Variants in ETNK1 observed in about 807,000 individuals in gnomAD.
ETNK1 encodes the protein ethanolamine kinase 1, also known as putative protein product of Nbla10396.
A neutral mutation model predicts 45.1 loss-of-function variants in ETNK1; 8 were observed. That is an observed-to-expected ratio of 0.18 (90% CI 0.10 to 0.32). ETNK1 has a LOEUF of 0.32. Among genes scored for constraint, ETNK1 ranks in the 10% least tolerant of loss-of-function variants. The probability of loss-of-function intolerance (pLI) is 1.00; values close to 1 mark genes in which losing one functional copy is unlikely to be tolerated. For synonymous variants in ETNK1, 152 were observed against 151.9 expected (o/e 1.00, Z -0.01); for missense variants, 302 against 430.6 (o/e 0.70, Z 2.64).
chr12:22,679,805 G>A (rs984800131), intron 6 of ETNK1, among the ~76,000 whole-genome samples: 1 of 150,814 alleles, frequency 6.6e-6, no homozygotes, highest in Non-Finnish European at 1.5e-5. Context: ...GATTCAAGCA[G>A]TTCTCTGGCC....
intron 2 of ETNK1, among the ~76,000 whole-genome samples, chr12:22,646,397 C>A (rs1454843771): frequency 6.6e-6 from 1 of 151,260 alleles, no homozygotes; most frequent in Non-Finnish European, 1.5e-5. Flanking sequence ...GGTCTGGAGC[C>A]CCAAGAAGAG....
intron 2 of ETNK1, among the ~76,000 whole-genome samples, chr12:22,645,775 A>G (rs1304260778): frequency 6.6e-6 from 1 of 151,672 alleles, no homozygotes; most frequent in Non-Finnish European, 1.5e-5. Context: ...TGTTAACTAT[A>G]ATTTCCTTGC....
chr12:22,663,251 G>T (rs1954024837), intron 4 of ETNK1, among the ~76,000 whole-genome samples: 1 of 152,148 alleles, frequency 6.6e-6, no homozygotes, highest in Admixed American at 6.5e-5. Context: ...CAGTGTATGA[G>T]CTTGTAAATT....
intron 6 of ETNK1, among the ~76,000 whole-genome samples, chr12:22,681,923 A>G (rs1954218853): frequency 6.6e-6 from 1 of 152,102 alleles, no homozygotes; most frequent in Non-Finnish European, 1.5e-5. Flanking sequence ...TTCTTTTTTG[A>G]TACTAGACCA....
chr12:22,670,393 C>G (rs963209386), intron 4 of ETNK1, among the ~76,000 whole-genome samples: 3 of 150,350 alleles, frequency 2.0e-5, no homozygotes, highest in African/African-American at 7.3e-5. Flanking sequence ...TAAGGTTTCT[C>G]TCTCTCTTTT....
At chr12:22,627,901 C>CAAGCTA (rs1373111667) in intron 1 of ETNK1, among the ~76,000 whole-genome samples, 2 of 151,816 alleles carry the variant, frequency 1.3e-5, no homozygotes, top group African/African-American at 4.8e-5. Context: ...AAGAAAAAAA[C>CAAGCTA]AAGCTAAAAA....
rs539365743 is a variant in ETNK1, at chr12:22,652,741, T to G, written c.417-6273T>G. On this transcript the variant is annotated intron_variant, in intron 2 of 7. Transcript: ENST00000266517. The stretch of plus-strand genomic sequence containing the variant: ...TTTGTTATATGTTCTGAATATTAAC[T>G]CCTTGTTAAATATATGATTTCCAAA... Among the ~76,000 whole-genome samples the G allele has an allele frequency of 3.9e-4, 60 of 152,336 alleles. No individual in the cohort carries two copies. The South Asian group carries it at 4.3e-3, about 11-fold the overall frequency.
chr12:22,625,674 C>G (rs1565859266), intron 1 of ETNK1, 88 bp downstream of exon 1: 1 of 1,501,778 alleles, frequency 6.7e-7, no homozygotes, highest in South Asian at 1.2e-5. Flanking sequence ...CCCACGATGA[C>G]CGAGGAGGAC....
chr12:22,658,161 G>C (rs1376007711), intron 2 of ETNK1, among the ~76,000 whole-genome samples: 4 of 152,064 alleles, frequency 2.6e-5, no homozygotes, highest in Non-Finnish European at 2.9e-5. Flanking sequence ...GTAGAGTCAA[G>C]GTTCAAAAAG....
At chr12:22,646,527 G>A (rs1040401190) in intron 2 of ETNK1, among the ~76,000 whole-genome samples, 1 of 151,636 alleles carries the variant, frequency 6.6e-6, no homozygotes, top group South Asian at 2.1e-4. Flanking sequence ...GACAATTTGG[G>A]GTTAGTTGTC....
At chr12:22,650,411 G>T (rs1953860362) in intron 2 of ETNK1, among the ~76,000 whole-genome samples, 1 of 151,374 alleles carries the variant, frequency 6.6e-6, no homozygotes, top group African/African-American at 2.4e-5. Flanking sequence ...GTTAGCTGTA[G>T]TTTTTTTTGT....
intron 4 of ETNK1, among the ~76,000 whole-genome samples, chr12:22,666,560 C>T (rs1394733548): frequency 6.6e-6 from 1 of 152,146 alleles, no homozygotes; most frequent in Non-Finnish European, 1.5e-5. Flanking sequence ...TTATTGGTCT[C>T]ATGACTTTTG....
intron 5 of ETNK1, 71 bp downstream of exon 5, chr12:22,671,426 T>C (rs1954105731): frequency 9.7e-7 from 1 of 1,028,538 alleles, no homozygotes; most frequent in Admixed American, 1.8e-5. Flanking sequence ...TTTTTTAAAG[T>C]AGATAAACCG....
chr12:22,676,708 G>T (rs1954166082), intron 6 of ETNK1, among the ~76,000 whole-genome samples: 1 of 151,928 alleles, frequency 6.6e-6, no homozygotes, highest in Non-Finnish European at 1.5e-5. Flanking sequence ...ATTCTAACTG[G>T]CGTGAAATGG....
Position 22,625,430 on chromosome 12 carries a change from C to T in ETNK1, c.-1C>T, listed in dbSNP as rs1244765861. Reference sequence around the variant, plus strand: ...TGGTAGTCTCCGCCGTCGCCTGGGCCATGGCCAATTACATCCACGTCCCTC... The same window carrying T: ...TGGTAGTCTCCGCCGTCGCCTGGGCTATGGCCAATTACATCCACGTCCCTC... On this transcript the variant is annotated 5_prime_UTR_variant, in exon 1 of 8. Coordinates refer to ENST00000266517, the MANE Select transcript of ETNK1 (RefSeq NM_018638.5). 2 of 1,583,170 alleles carry T rather than the reference C, an allele frequency of 1.3e-6. No homozygotes were observed. Among genetic ancestry groups the T allele is most frequent in the African/African-American group, 1.3e-5 (1 of 74,594 alleles).
Position 22,626,424 on chromosome 12 carries a change from A to G in ETNK1, c.156+838A>G, listed in dbSNP as rs1336052954. On this transcript the variant is annotated intron_variant, in intron 1 of 7. Coordinates refer to ENST00000266517, the MANE Select transcript of ETNK1 (RefSeq NM_018638.5). ...TCTCTTTTTCTCCTTTTCCCTTGCA[A>G]ACAAAAAAAAACAGTAATTTTCAAG... 3.0e-5 allele frequency among the ~76,000 whole-genome samples: 4 copies of G among 134,448 alleles called. No individual in the cohort carries two copies. In the East Asian group the frequency reaches 7.9e-4, roughly 26 times the overall value. 88.2% of individuals were successfully genotyped at this position (134,448 alleles called of 152,430 possible).
chr12:22,648,435 C>G (rs1001819477), intron 2 of ETNK1, among the ~76,000 whole-genome samples: 5 of 151,954 alleles, frequency 3.3e-5, no homozygotes, highest in Admixed American at 2.0e-4. Context: ...ACAGTTTTGC[C>G]TTTTTCAGAA....
chr12:22,663,262 C>T (rs544892009), intron 4 of ETNK1, among the ~76,000 whole-genome samples: 1 of 152,254 alleles, frequency 6.6e-6, no homozygotes, highest in African/African-American at 2.4e-5. Context: ...CTTGTAAATT[C>T]AGTGCAGGAC....
At position 22,685,075 on chromosome 12, in the gene ETNK1, AT is replaced by A; in HGVS notation, c.*123del. 1.5e-6 allele frequency: 1 copy of A among 647,998 alleles called. No individual in the cohort carries two copies. The highest frequency in any genetic ancestry group is 2.8e-5 in the East Asian group (1 of 35,168). The allele number at this position is 647,998 out of a possible 1,614,324, so 40.1% of individuals were successfully genotyped here. Reference sequence around the variant, plus strand: ...TTAATTTGGTTATCTTGCTTTATAAATTATGCCTCTAAACAATCAAATCTAT... The same window carrying A: ...TTAATTTGGTTATCTTGCTTTATAAATATGCCTCTAAACAATCAAATCTAT... On this transcript the variant is annotated 3_prime_UTR_variant, in exon 8 of 8. Transcript: ENST00000266517.
Sources: allele counts gnomAD v4.1 joint callset (sites outside exome capture counted in the v4.1 genomes callset), GRCh38; gene constraint gnomAD v4.1.1; transcripts MANE v1.5; gene names NCBI Gene and HGNC (gene_info 2026-07-23, HGNC 2026-07-21).